NOL4: variants seen among roughly 807,000 people sequenced by gnomAD.
NOL4 encodes the protein nucleolar protein 4.
NOL4 carries 17 observed loss-of-function variants against 75.9 expected under a neutral mutation model. The ratio of observed to expected loss-of-function variants is 0.22; its 90% CI spans 0.15 to 0.34. The LOEUF is 0.34. NOL4 is among the 10% of genes least tolerant of loss of function. NOL4 has a pLI of 1.00. For missense variants in NOL4, 614 were observed against 793.5 expected (o/e 0.77, Z 2.72); for synonymous variants, 292 against 289.9 (o/e 1.01, Z -0.07).
chr18:34,203,894 C>T (rs1356039661), intron 1 of NOL4, among the ~76,000 whole-genome samples: 1 of 151,950 alleles, frequency 6.6e-6, no homozygotes, highest in Non-Finnish European at 1.5e-5. Context: ...GACTCCACTA[C>T]ATCATCCGTA....
chr18:34,126,374 C>T (rs1600672970), intron 2 of NOL4, among the ~76,000 whole-genome samples: 1 of 152,226 alleles, frequency 6.6e-6, no homozygotes, highest in South Asian at 2.1e-4. Flanking sequence ...TTCTCCACTC[C>T]TGACTTGAAT....
intron 9 of NOL4, among the ~76,000 whole-genome samples, chr18:33,926,662 GTGA>G (rs2067351155): frequency 1.3e-5 from 2 of 152,266 alleles, no homozygotes; most frequent in East Asian, 3.9e-4. Context: ...GGCCAGTGGT[GTGA>G]TCTCGGCTCA....
At chr18:34,041,852 G>T (rs1417380597) in intron 5 of NOL4, among the ~76,000 whole-genome samples, 1 of 151,766 alleles carries the variant, frequency 6.6e-6, no homozygotes, top group Non-Finnish European at 1.5e-5. Flanking sequence ...GTTGATTATT[G>T]TTCTTAATAT....
At chr18:34,027,771 T>C (rs2075419768) in intron 5 of NOL4, among the ~76,000 whole-genome samples, 2 of 152,166 alleles carry the variant, frequency 1.3e-5, no homozygotes, top group Non-Finnish European at 2.9e-5. Flanking sequence ...AAATATAATT[T>C]TAAAAAATCA....
intron 9 of NOL4, 93 bp downstream of exon 9, chr18:33,942,972 C>A: frequency 1.2e-6 from 1 of 822,548 alleles, no homozygotes; most frequent in Non-Finnish European, 2.0e-6. Context: ...ACTTTAAATC[C>A]ATTCAAGAGC....
In NOL4 at chr18:33,922,247, A is replaced by T. The variant is rs1014189558; in HGVS notation, c.1542+20818T>A. Among the ~76,000 whole-genome samples the T allele has an allele frequency of 2.0e-5, 3 of 152,176 alleles. No individual in the cohort carries two copies. The East Asian group carries it at 5.8e-4, about 29-fold the overall frequency. The stretch of plus-strand genomic sequence containing the variant: ...TTCTGCTTACACCATTTTTGACTAA[A>T]TTTTGTAACAGTTTCAAGAGATTCA... On this transcript the variant is annotated intron_variant, in intron 9 of 10. Transcript: ENST00000261592.
At chr18:33,948,592 C>A (rs1385288989) in intron 8 of NOL4, among the ~76,000 whole-genome samples, 1 of 151,940 alleles carries the variant, frequency 6.6e-6, no homozygotes, top group Non-Finnish European at 1.5e-5. Flanking sequence ...TCTCAGTCAT[C>A]CTGCTAGGTA....
chr18:33,957,397 C>G lies in NOL4; in HGVS notation c.1357G>C (p.Glu453Gln). ...SCRRQFPEYQ[E>Q]RARKRIRTYL... The stretch of plus-strand genomic sequence containing the variant: ...GTACGTATACGTTTTCTGGCACGCT[C>G]TTGATACTCAGGGAATTGTCGCCTG... Residue 453 changes from glutamate to glutamine, a missense_variant, in exon 8 of 11, where the codon GAG (glutamate) becomes CAG (glutamine). Glu to Gln is a conservative substitution (Grantham distance 29). Around this residue, in one of 9 missense-constraint regions of NOL4, gnomAD observed 52 missense variants for 121.1 expected, o/e 0.43. Transcript: ENST00000261592. The G allele has an allele frequency of 6.2e-7, 1 of 1,613,750 alleles. No homozygotes were observed. Among genetic ancestry groups the G allele is most frequent in the Non-Finnish European group, 8.5e-7 (1 of 1,179,824 alleles).
At chr18:33,995,148 C>A (rs534325405) in intron 6 of NOL4, among the ~76,000 whole-genome samples, 1 of 151,560 alleles carries the variant, frequency 6.6e-6, no homozygotes, top group African/African-American at 2.4e-5. Flanking sequence ...AAAGCCAAGT[C>A]CCAAATTGCT....
intron 5 of NOL4, among the ~76,000 whole-genome samples, chr18:34,022,964 A>G (rs955272276): frequency 6.6e-6 from 1 of 152,134 alleles, no homozygotes; most frequent in African/African-American, 2.4e-5. Flanking sequence ...TATCAATAAA[A>G]AGTATAAACA....
intron 8 of NOL4, among the ~76,000 whole-genome samples, chr18:33,953,753 G>T (rs2069423009): frequency 6.6e-6 from 1 of 152,132 alleles, no homozygotes. Flanking sequence ...GTGTCCGACT[G>T]ACATTTGGAA....
intron 5 of NOL4, among the ~76,000 whole-genome samples, chr18:34,087,748 CT>C (rs966062342): frequency 5.3e-5 from 8 of 150,082 alleles, no homozygotes; most frequent in Non-Finnish European, 8.9e-5. Flanking sequence ...GTACATTTGC[CT>C]TTTTTTTTGA....
chr18:33,889,344 G>A (rs1236795945), intron 9 of NOL4, among the ~76,000 whole-genome samples: 1 of 151,928 alleles, frequency 6.6e-6, no homozygotes, highest in Admixed American at 6.6e-5. Context: ...TCTGAATACA[G>A]CAATAACAGG....
intron 1 of NOL4, among the ~76,000 whole-genome samples, chr18:34,202,508 C>A (rs988836260): frequency 2.0e-5 from 3 of 151,900 alleles, no homozygotes; most frequent in Non-Finnish European, 4.4e-5. Flanking sequence ...ACGATTTAGA[C>A]CTGTCAATTT....
chr18:34,109,827 A>G (rs1195171730), intron 2 of NOL4, among the ~76,000 whole-genome samples: 2 of 151,880 alleles, frequency 1.3e-5, no homozygotes, highest in Non-Finnish European at 2.9e-5. Flanking sequence ...ATGAAGAGAT[A>G]TTATAAATAT....
chr18:33,971,782 T>C (rs1016944286), intron 6 of NOL4, among the ~76,000 whole-genome samples: 22 of 152,158 alleles, frequency 1.4e-4, no homozygotes, highest in Non-Finnish European at 2.8e-4. Flanking sequence ...TTTTTTTTTC[T>C]GCTGTAATAA....
chr18:33,988,517 GT>G (rs2072657857), intron 6 of NOL4, among the ~76,000 whole-genome samples: 1 of 152,070 alleles, frequency 6.6e-6, no homozygotes, highest in African/African-American at 2.4e-5. Flanking sequence ...CTCTTTCATA[GT>G]TACTCTCCTC....
At chr18:33,853,119 G>T in intron 10 of NOL4, 84 bp from the exon 11 acceptor site, 1 of 1,138,958 alleles carries the variant, frequency 8.8e-7, no homozygotes, top group Non-Finnish European at 1.2e-6. Context: ...AATTATAGTT[G>T]AATGAATTAA....
intron 1 of NOL4, among the ~76,000 whole-genome samples, chr18:34,187,501 C>T (rs1395553598): frequency 6.6e-6 from 1 of 151,824 alleles, no homozygotes; most frequent in African/African-American, 2.4e-5. Flanking sequence ...CTCAGCCTCC[C>T]GCGTAGCTGG....
Sources: gnomAD v4.1 joint callset for allele counts (sites outside exome capture counted in the v4.1 genomes callset) on GRCh38, gnomAD v4.1.1 for gene constraint, gnomAD v4.1.1 regional missense constraint, MANE v1.5 for transcripts, NCBI Gene and HGNC (gene_info 2026-07-23, HGNC 2026-07-21) for gene names.